Variants in TENM4 observed in about 807,000 individuals in gnomAD.
TENM4 encodes the protein teneurin-4.
Under a neutral mutation model 243.3 loss-of-function variants are expected in TENM4, and 82 were observed. That is an observed-to-expected ratio of 0.34 (90% CI 0.28 to 0.40). TENM4 has a LOEUF of 0.40. Ranked by LOEUF, TENM4 falls within the 10% of genes least tolerant of loss-of-function variation. The probability of loss-of-function intolerance (pLI) is 1.00; values close to 1 mark genes in which losing one functional copy is unlikely to be tolerated. For synonymous variants in TENM4, 1,412 were observed against 1,456.3 expected (o/e 0.97, Z 0.69); for missense variants, 3,138 against 3,673.3 (o/e 0.85, Z 3.77).
intron 1 of TENM4, among the ~76,000 whole-genome samples, chr11:79,308,145 C>G (rs998178346): frequency 6.6e-6 from 1 of 152,238 alleles, no homozygotes; most frequent in Non-Finnish European, 1.5e-5. Flanking sequence ...GCCTAATCCT[C>G]AAGGAGTCTG....
intron 1 of TENM4, among the ~76,000 whole-genome samples, chr11:79,364,046 A>G (rs1321283119): frequency 6.6e-6 from 1 of 152,242 alleles, no homozygotes; most frequent in Non-Finnish European, 1.5e-5. Flanking sequence ...ATGCCATCAT[A>G]TTCCCAGAGA....
intron 15 of TENM4, among the ~76,000 whole-genome samples, chr11:78,798,002 A>G (rs564938906): frequency 3.9e-5 from 6 of 152,324 alleles, no homozygotes; most frequent in African/African-American, 1.4e-4. Context: ...GAACAATTCT[A>G]GCTACACAAA....
In TENM4 at chr11:78,756,862, A is replaced by G. The variant is rs1172925975; in HGVS notation, c.2699T>C (p.Phe900Ser). 1.9e-6 allele frequency: 3 copies of G among 1,613,914 alleles called. No individual in the cohort carries two copies. The highest frequency in any genetic ancestry group is 2.5e-6 in the Non-Finnish European group (3 of 1,179,892). ...GTGCGTGCTGTCCCTGCCCACGAGG[A>G]ACTTGATGCGGTCATAGAAGGAGTG... ...NLHSFYDRIK[F>S]LVGRDSTHII... The change falls in exon 19 of 34, where the codon TTC (phenylalanine) becomes TCC (serine). Residue 900 changes from phenylalanine to serine, a missense_variant. This residue lies in a region of TENM4 where 2,467 missense variants were observed against 3,059.1 expected (regional missense o/e 0.81). Coordinates refer to ENST00000278550, the MANE Select transcript of TENM4 (RefSeq NM_001098816.3).
intron 2 of TENM4, among the ~76,000 whole-genome samples, chr11:79,282,697 T>G (rs1856177555): frequency 6.6e-6 from 1 of 152,202 alleles, no homozygotes; most frequent in African/African-American, 2.4e-5. Flanking sequence ...GATAATGGTG[T>G]AAGCATTGGT....
At chr11:79,109,230 C>T (rs1219810131) in intron 4 of TENM4, among the ~76,000 whole-genome samples, 2 of 152,114 alleles carry the variant, frequency 1.3e-5, no homozygotes, top group Non-Finnish European at 2.9e-5. Flanking sequence ...ATTTATTTCA[C>T]TTCTTATTTT....
At chr11:79,063,243 G>T (rs557381878) in intron 6 of TENM4, among the ~76,000 whole-genome samples, 40 of 152,254 alleles carry the variant, frequency 2.6e-4, no homozygotes, top group African/African-American at 8.9e-4. Context: ...TCTTGGTTTT[G>T]CACCACTCAG....
chr11:79,281,674 A>G (rs1048544003), intron 2 of TENM4, among the ~76,000 whole-genome samples: 1 of 152,208 alleles, frequency 6.6e-6, no homozygotes, highest in African/African-American at 2.4e-5. Flanking sequence ...ACAAGTCCCC[A>G]GGAGGCCTGC....
chr11:78,878,360 A>T (rs1264904630), intron 9 of TENM4, among the ~76,000 whole-genome samples: 1 of 152,156 alleles, frequency 6.6e-6, no homozygotes, highest in Non-Finnish European at 1.5e-5. Flanking sequence ...CTGGGGACAG[A>T]TATTAAACGA....
intron 2 of TENM4, among the ~76,000 whole-genome samples, chr11:79,278,515 G>A (rs1856099397): frequency 6.6e-6 from 1 of 152,190 alleles, no homozygotes; most frequent in African/African-American, 2.4e-5. Context: ...AGGAGCCGCT[G>A]AGAACCTCTT....
intron 12 of TENM4, among the ~76,000 whole-genome samples, chr11:78,842,888 T>G (rs1858294130): frequency 6.6e-6 from 1 of 152,238 alleles, no homozygotes; most frequent in African/African-American, 2.4e-5. Flanking sequence ...AAATAGTTTA[T>G]GTAGGCCAGG....
At chr11:79,336,570 T>C (rs1341906025) in intron 1 of TENM4, among the ~76,000 whole-genome samples, 1 of 152,200 alleles carries the variant, frequency 6.6e-6, no homozygotes, top group Non-Finnish European at 1.5e-5. Flanking sequence ...AGAGCCAGGA[T>C]TGGGCTCCAT....
intron 12 of TENM4, among the ~76,000 whole-genome samples, chr11:78,840,533 A>C: frequency 6.6e-6 from 1 of 152,206 alleles, no homozygotes; most frequent in East Asian, 1.9e-4. Context: ...GCGTTTCAAC[A>C]GAAAGTCTTC....
At chr11:79,059,331 C>A (rs1212117430) in intron 6 of TENM4, among the ~76,000 whole-genome samples, 1 of 152,162 alleles carries the variant, frequency 6.6e-6, no homozygotes, top group Non-Finnish European at 1.5e-5. Context: ...CTCTCAGATC[C>A]CTCACACTCA....
At chr11:78,824,197 GAA>G (rs1449689977) in intron 12 of TENM4, among the ~76,000 whole-genome samples, 1 of 152,188 alleles carries the variant, frequency 6.6e-6, no homozygotes, top group African/African-American at 2.4e-5. Flanking sequence ...TAATTTATAA[GAA>G]AAGAGGCTTA....
In TENM4 at chr11:79,440,699, G is replaced by T. The variant is rs1269795761; in HGVS notation, c.-511C>A. 2 of 152,190 alleles carry T rather than the reference G, an allele frequency of 1.3e-5. No individual in the cohort carries two copies. The highest frequency in any genetic ancestry group is 4.8e-5 in the African/African-American group (2 of 41,438). The allele number at this position is 152,190 out of a possible 1,614,324, so 9.4% of individuals were successfully genotyped here. On this transcript the variant is annotated 5_prime_UTR_variant, in exon 1 of 34. Coordinates refer to ENST00000278550, the MANE Select transcript of TENM4 (RefSeq NM_001098816.3). The surrounding 1 kb of genome is among the most constrained non-coding windows in gnomAD (Gnocchi z 4.7). ...GCGAGACCAACAATAGCTCCCGCGG[G>T]GAGCGGAGCCCCAGCGAGCCTCCAG... is the stretch of plus-strand genomic sequence containing the variant.
chr11:79,038,389 T>A (rs1241949333), intron 6 of TENM4, among the ~76,000 whole-genome samples: 9 of 152,212 alleles, frequency 5.9e-5, no homozygotes, highest in Non-Finnish European at 2.9e-5. Flanking sequence ...GACTCTGGAA[T>A]TTCAATGCCA....
chr11:78,867,860 A>G (rs577061964), intron 9 of TENM4, among the ~76,000 whole-genome samples: 3 of 152,158 alleles, frequency 2.0e-5, no homozygotes, highest in Non-Finnish European at 4.4e-5. Context: ...TTTAAAACTC[A>G]GGACCCTGTG....
At chr11:78,931,327 G>T (rs1202049815) in intron 6 of TENM4, among the ~76,000 whole-genome samples, 1 of 152,174 alleles carries the variant, frequency 6.6e-6, no homozygotes, top group Non-Finnish European at 1.5e-5. Context: ...TAAAAAGAAA[G>T]GATATCCACA....
chr11:79,333,864 T>C (rs1368839583), intron 1 of TENM4, among the ~76,000 whole-genome samples: 1 of 152,226 alleles, frequency 6.6e-6, no homozygotes, highest in East Asian at 1.9e-4. Flanking sequence ...GTCATGGAGC[T>C]GAGATGTGAG....
Sources: gnomAD v4.1 joint callset for allele counts (sites outside exome capture counted in the v4.1 genomes callset) on GRCh38, gnomAD v4.1.1 for gene constraint, gnomAD v4.1.1 regional missense constraint, Gnocchi (gnomAD v3.1) non-coding constraint, MANE v1.5 for transcripts, NCBI Gene and HGNC (gene_info 2026-07-23, HGNC 2026-07-21) for gene names.